The following ARID1A variants were observed in gnomAD, a reference collection of about 807,000 sequenced individuals.
The protein encoded by ARID1A is AT-rich interaction domain 1A.
ARID1A carries 20 observed loss-of-function variants against 212.6 expected under a neutral mutation model. The ratio of observed to expected loss-of-function variants is 0.09; its 90% CI spans 0.07 to 0.14. ARID1A has a LOEUF of 0.14. Ranked by LOEUF, ARID1A falls within the 10% of genes least tolerant of loss-of-function variation. ARID1A has a pLI of 1.00. For synonymous variants in ARID1A, 1,376 were observed against 1,222.1 expected (o/e 1.13, Z -2.63); for missense variants, 2,587 against 3,059.0 (o/e 0.85, Z 3.64).
chr1:26,780,912 C>A lies in ARID1A; in HGVS notation c.*156C>A. 9.3e-7 allele frequency: 1 copy of A among 1,074,916 alleles called. No homozygotes were observed. Among genetic ancestry groups the A allele is most frequent in the Non-Finnish European group, 1.3e-6 (1 of 770,844 alleles). 66.6% of individuals were successfully genotyped at this position (1,074,916 alleles called of 1,614,324 possible). ...GGGAAAAAGTCTCTCCTGTTTCTCTCTCCTCCTTCCACCTCCCCTCCCTCC... is the reference window on the plus strand; with the variant it reads ...GGGAAAAAGTCTCTCCTGTTTCTCTATCCTCCTTCCACCTCCCCTCCCTCC... On this transcript the variant is annotated 3_prime_UTR_variant, in exon 20 of 20. Transcript: ENST00000324856. The surrounding 1 kb of genome is among the most constrained non-coding windows in gnomAD (Gnocchi z 7.2).
intron 1 of ARID1A, among the ~76,000 whole-genome samples, chr1:26,728,470 T>A (rs905878572): frequency 6.6e-6 from 1 of 152,232 alleles, no homozygotes; most frequent in Non-Finnish European, 1.5e-5. Flanking sequence ...AATAGCTTAT[T>A]AATTATTGAA....
At chr1:26,762,933 A>C in intron 7 of ARID1A, 40 bp from the exon 8 acceptor site, 2 of 1,507,858 alleles carry the variant, frequency 1.3e-6, no homozygotes, top group East Asian at 2.3e-5. Flanking sequence ...GTGAGTTGCT[A>C]GTGAGTGACT....
chr1:26,709,886 G>A (rs999718665), intron 1 of ARID1A, among the ~76,000 whole-genome samples: 17 of 150,510 alleles, frequency 1.1e-4, no homozygotes, highest in African/African-American at 3.2e-4. Flanking sequence ...AGGCTGAAGT[G>A]CAGTGGCATG....
In ARID1A at chr1:26,774,051, G is replaced by A. The variant is rs2081110848; in HGVS notation, c.4101+153G>A. On this transcript the variant is annotated intron_variant, in intron 17 of 19. Coordinates refer to ENST00000324856, the MANE Select transcript of ARID1A (RefSeq NM_006015.6). The surrounding 1 kb of genome is among the most constrained non-coding windows in gnomAD (Gnocchi z 5.6). ...TGGCCAGTCCTGCCTGAAGAGCCACGTCCTCAATCTCTTCTCTATTTGGAG... is the reference window on the plus strand; with the variant it reads ...TGGCCAGTCCTGCCTGAAGAGCCACATCCTCAATCTCTTCTCTATTTGGAG... 9 of 1,095,300 alleles carry A rather than the reference G, an allele frequency of 8.2e-6. No homozygotes were observed. The highest frequency in any genetic ancestry group is 1.6e-5 in the African/African-American group (1 of 63,130). The allele number at this position is 1,095,300 out of a possible 1,614,324, so 67.8% of individuals were successfully genotyped here.
At chr1:26,755,749 G>A (rs2080922740) in intron 4 of ARID1A, among the ~76,000 whole-genome samples, 1 of 145,048 alleles carries the variant, frequency 6.9e-6, no homozygotes, top group African/African-American at 2.5e-5. Context: ...TGGTTTTTTG[G>A]TTTTTTTTTT....
Position 26,779,081 on chromosome 1 carries a change from T to G in ARID1A, c.5183T>G (p.Phe1728Cys). ...EYFRRCLIEI[F>C]GILKEYEVGD... is the part of the protein sequence containing the mutation. ...TTCCGACGATGCCTGATTGAGATCT[T>G]TGGCATTTTAAAGGAGTATGAGGTG... The change falls in exon 20 of 20, where the codon TTT becomes TGT. Residue 1728 changes from phenylalanine (F) to cysteine (C), a missense_variant. Physicochemically the swap from Phe to Cys is radical, Grantham distance 205 (BLOSUM62 -2). Transcript: ENST00000324856. 6.6e-7 allele frequency: 1 copy of G among 1,515,326 alleles called. No homozygotes were observed. Among genetic ancestry groups the G allele is most frequent in the Non-Finnish European group, 8.8e-7 (1 of 1,131,762 alleles). The allele number at this position is 1,515,326 out of a possible 1,614,324, so 93.9% of individuals were successfully genotyped here. A position where few individuals can be genotyped will look rare whatever the true frequency, so the allele number is the denominator to read the frequency against.
rs552730102 is a variant in ARID1A, at chr1:26,743,886, G to C, written c.1920+11094G>C. ...ATGATAGAAGGAGAGAGGGCCCACA[G>C]TCCTTATCTAGGTTTTTGATGGTTG... On this transcript the variant is annotated intron_variant, in intron 4 of 19. Transcript: ENST00000324856. Among the ~76,000 whole-genome samples, 18 of 152,156 alleles carry C rather than the reference G, an allele frequency of 1.2e-4. 1 individual carries two copies. In the South Asian group the frequency reaches 3.7e-3, roughly 32 times the overall value.
At chr1:26,777,538 A>G (rs964330819) in intron 19 of ARID1A, among the ~76,000 whole-genome samples, 1 of 151,604 alleles carries the variant, frequency 6.6e-6, no homozygotes, top group African/African-American at 2.4e-5. Flanking sequence ...GGCCCCGGAT[A>G]ACTTCTTTAT....
Position 26,705,388 on chromosome 1 carries a change from C to A in ARID1A, c.1137+7848C>A, listed in dbSNP as rs931684993. On this transcript the variant is annotated intron_variant, in intron 1 of 19. Transcript: ENST00000324856. ...CCCAACCTCGGGTGTGATCCACCCA[C>A]CTTGGCCTTCCAAAGTGCTGGAATT... Among the ~76,000 whole-genome samples, 6 of 152,042 alleles carry A rather than the reference C, an allele frequency of 3.9e-5. No homozygotes were observed. The East Asian group carries it at 1.2e-3, about 29-fold the overall frequency.
intron 1 of ARID1A, among the ~76,000 whole-genome samples, chr1:26,703,151 C>T (rs1255399019): frequency 1.3e-5 from 2 of 152,110 alleles, no homozygotes; most frequent in African/African-American, 4.8e-5. Context: ...ATTAATATGC[C>T]TTTACACTCT....
At position 26,780,414 on chromosome 1, in the gene ARID1A, C is replaced by T. The variant is rs759975437; in HGVS notation, c.6516C>T (p.Ala2172=). Reference sequence around the variant, plus strand: ...GGGAGATGGCTGTGGTACTGCTGGCCAACCTGGCTCAGGGGGACAGCCTGG... The same window carrying T: ...GGGAGATGGCTGTGGTACTGCTGGCTAACCTGGCTCAGGGGGACAGCCTGG... ...VCREMAVVLL[A]NLAQGDSLAA... Residue 2172 remains alanine, a synonymous_variant, in exon 20 of 20, where the codon GCC becomes GCT. Transcript: ENST00000324856. This position sits in a 1 kb window ranked among gnomAD's most constrained non-coding sequence, Gnocchi z 7.2. 1.9e-5 allele frequency: 30 copies of T among 1,614,090 alleles called. No homozygotes were observed. The highest frequency in any genetic ancestry group is 4.0e-5 in the African/African-American group (3 of 74,926).
intron 3 of ARID1A, 103 bp downstream of exon 3, chr1:26,731,707 A>C (rs1315129259): frequency 7.9e-7 from 1 of 1,267,832 alleles, no homozygotes. Flanking sequence ...TCTAACGTGC[A>C]CTTAAAGACC....
In ARID1A at chr1:26,779,370, G is replaced by C. The variant is rs2124139637; in HGVS notation, c.5472G>C (p.Val1824=). ...TCGTACAGAAGAATGATCCATTTGT[G>C]GTGGACTGCTCAGATAAGCTTGGGC... The part of the protein sequence containing the change: ...VKIVQKNDPF[V]VDCSDKLGRV... Residue 1824 remains valine (V), a synonymous_variant, in exon 20 of 20, where the codon GTG becomes GTC. Transcript: ENST00000324856. 6.2e-7 allele frequency: 1 copy of C among 1,614,222 alleles called. No homozygotes were observed. The highest frequency in any genetic ancestry group is 8.5e-7 in the Non-Finnish European group (1 of 1,180,036).
At chr1:26,700,148 G>C (rs545777181) in intron 1 of ARID1A, among the ~76,000 whole-genome samples, 1 of 152,278 alleles carries the variant, frequency 6.6e-6, no homozygotes, top group East Asian at 1.9e-4. Context: ...CAGGTGTGTG[G>C]TAGTAGTCTA....
At chr1:26,775,542 G>A (rs772341526) in intron 18 of ARID1A, 35 bp from the exon 19 acceptor site, 1 of 1,612,354 alleles carries the variant, frequency 6.2e-7, no homozygotes, top group Non-Finnish European at 8.5e-7. Context: ...GCCAACCTGG[G>A]CTTGGTGGAT....
chr1:26,757,068 A>T (rs1367866852), intron 4 of ARID1A, among the ~76,000 whole-genome samples: 2 of 152,066 alleles, frequency 1.3e-5, no homozygotes, highest in Admixed American at 6.6e-5. Context: ...CACAAAAATG[A>T]TCAAAACAAA....
chr1:26,704,253 A>G (rs2080366161), intron 1 of ARID1A, among the ~76,000 whole-genome samples: 1 of 152,156 alleles, frequency 6.6e-6, no homozygotes, highest in African/African-American at 2.4e-5. Context: ...GTTCTTGGCT[A>G]GTTCAGGGGC....
chr1:26,768,674 A>T (rs994341844), intron 11 of ARID1A, among the ~76,000 whole-genome samples: 2 of 152,236 alleles, frequency 1.3e-5, no homozygotes, highest in African/African-American at 4.8e-5. Context: ...TGGGAAACTT[A>T]AATGAAAACC....
rs867447464 is a variant in ARID1A, at chr1:26,773,627, C to T, written c.3914C>T (p.Pro1305Leu). The T allele has an allele frequency of 6.2e-7, 1 of 1,614,094 alleles. No individual in the cohort carries two copies. The highest frequency in any genetic ancestry group is 1.3e-5 in the African/African-American group (1 of 74,916). The part of the protein sequence containing the change: ...GPEGNMSTGA[P>L]QPNLMPSNPD... ...GAGGGAAACATGAGCACTGGGGCCC[C>T]ACAGCCGAATCTCATGCCTTCCAAC... is the stretch of plus-strand genomic sequence containing the variant. The change falls in exon 16 of 20, where the codon CCA becomes CTA. Residue 1305 changes from proline (P) to leucine (L), a missense_variant. By Grantham distance (98) the Pro-to-Leu change is moderately conservative (BLOSUM62 -3). Transcript: ENST00000324856.
Sources: allele counts gnomAD v4.1 joint callset (sites outside exome capture counted in the v4.1 genomes callset), GRCh38; gene constraint gnomAD v4.1.1; non-coding constraint Gnocchi (gnomAD v3.1); transcripts MANE v1.5; gene names NCBI Gene and HGNC (gene_info 2026-07-23, HGNC 2026-07-21).